COL1A2: variants seen among roughly 807,000 people sequenced by gnomAD.
COL1A2 encodes the protein collagen type I alpha 2 chain, also known as collagen alpha-2(I) chain.
In COL1A2, 49 loss-of-function variants were observed where a neutral mutation model predicts 174.3. That is an observed-to-expected ratio of 0.28 (90% CI 0.22 to 0.36). COL1A2 has a LOEUF of 0.36. Ranked by LOEUF, COL1A2 falls within the 10% of genes least tolerant of loss-of-function variation. The pLI, the probability that COL1A2 is intolerant of heterozygous loss-of-function variation, is 1.00. For missense variants in COL1A2, 1,438 were observed against 1,822.7 expected (o/e 0.79, Z 3.84); for synonymous variants, 655 against 606.6 (o/e 1.08, Z -1.17).
intron 50 of COL1A2, 53 bp downstream of exon 50, chr7:94,428,530 C>G (rs1352063388): frequency 1.5e-5 from 23 of 1,511,916 alleles, no homozygotes; most frequent in Non-Finnish European, 2.1e-5. Flanking sequence ...TTTGGTAGGA[C>G]TGTTTGTTAA....
rs969850720 is a variant in COL1A2 at position 94,426,094 on chromosome 7, A to G, written c.2997+43A>G. ...ATTTCTTTGCAACACTAACATTTAG[A>G]GAGAATCAGTCCAAAACATCTGTTA... On this transcript the variant is annotated intron_variant, in intron 45 of 51. Transcript: ENST00000297268. The G allele has an allele frequency of 2.6e-6, 4 of 1,541,666 alleles. No homozygotes were observed. The African/African-American group carries it at 5.4e-5, about 21-fold the overall frequency.
At chr7:94,397,796 T>C (rs756148866) in intron 2 of COL1A2, 38 bp downstream of exon 2, 10 of 1,209,664 alleles carry the variant, frequency 8.3e-6, no homozygotes, top group Non-Finnish European at 1.2e-5. Flanking sequence ...AAAAATACTT[T>C]GATTCCCTTG....
chr7:94,409,548 T>C lies in COL1A2; in HGVS notation c.892-16T>C. 1 of 1,614,210 alleles carries C rather than the reference T, an allele frequency of 6.2e-7. No homozygotes were observed. Among genetic ancestry groups the C allele is most frequent in the Non-Finnish European group, 8.5e-7 (1 of 1,180,016 alleles). ...TCCAATTAACTGATATCCTTCTCCT[T>C]TCCTTTTCCTCATAGGGTAATCCTG... On this transcript the variant is annotated splice_polypyrimidine_tract_variant and intron_variant, in intron 17 of 51. Transcript: ENST00000297268.
At chr7:94,421,251 T>C (rs184344185) in intron 38 of COL1A2, 189 bp downstream of exon 38, 2 of 661,998 alleles carry the variant, frequency 3.0e-6, no homozygotes, top group Non-Finnish European at 2.7e-6. Flanking sequence ...TGTATGTTGC[T>C]ATCAGCTCAC....
chr7:94,395,266 C>T, intron 1 of COL1A2, 165 bp downstream of exon 1: 1 of 761,318 alleles, frequency 1.3e-6, no homozygotes, highest in Non-Finnish European at 2.4e-6. Context: ...ATGGAAATTA[C>T]TTTAAAAAAT....
chr7:94,413,866 T>C, intron 27 of COL1A2, 28 bp from the exon 28 acceptor site: 2 of 1,613,844 alleles, frequency 1.2e-6, no homozygotes, highest in East Asian at 2.2e-5. Flanking sequence ...TACGTTGCTA[T>C]TTATGCTCTC....
At chr7:94,430,216 T>C in intron 51 of COL1A2, 31 bp from the exon 52 acceptor site, 1 of 1,602,746 alleles carries the variant, frequency 6.2e-7, no homozygotes, top group Non-Finnish European at 8.5e-7. Flanking sequence ...ATAGTGATGC[T>C]TTGTGTATCT....
Position 94,404,440 on chromosome 7 carries a change from A to G in COL1A2, c.280-116A>G, listed in dbSNP as rs1791751920. The G allele has an allele frequency of 1.4e-5, 16 of 1,106,588 alleles. No homozygotes were observed. In the South Asian group the frequency reaches 2.0e-4, roughly 14 times the overall value. 68.5% of individuals were successfully genotyped at this position (1,106,588 alleles called of 1,614,324 possible). ...CCTTAAATTCTTCCTTGGGAGGAAT[A>G]AAAACTATGGAATCAAACCACAACA... is the stretch of plus-strand genomic sequence containing the variant. On this transcript the variant is annotated intron_variant, in intron 6 of 51. Coordinates refer to ENST00000297268, the MANE Select transcript of COL1A2 (RefSeq NM_000089.4).
intron 25 of COL1A2, 97 bp from the exon 26 acceptor site, chr7:94,412,985 CA>C: frequency 8.2e-7 from 1 of 1,226,526 alleles, no homozygotes; most frequent in Non-Finnish European, 1.2e-6. Context: ...CAAAAGAACA[CA>C]AAAACAAGCA....
In COL1A2 at chr7:94,417,973, G is replaced by C. The variant is rs531158171; in HGVS notation, c.1971+142G>C. 14 of 721,900 alleles carry C rather than the reference G, an allele frequency of 1.9e-5. No homozygotes were observed. In the East Asian group the frequency reaches 3.3e-4, roughly 17 times the overall value. 44.7% of individuals were successfully genotyped at this position (721,900 alleles called of 1,614,324 possible). On this transcript the variant is annotated intron_variant, in intron 32 of 51. Transcript: ENST00000297268. ...TATATACATTTCCCTCTGCCACCTA[G>C]CACCTACACATTTCTAAACTCACTA...
intron 49 of COL1A2, 102 bp downstream of exon 49, chr7:94,427,987 T>C (rs1036404922): frequency 2.0e-5 from 26 of 1,276,102 alleles, no homozygotes; most frequent in Non-Finnish European, 2.8e-5. Flanking sequence ...TGGGTAAAGA[T>C]TACATTATGT....
chr7:94,418,429 A>T, intron 32 of COL1A2, 70 bp from the exon 33 acceptor site: 1 of 1,366,436 alleles, frequency 7.3e-7, no homozygotes. Context: ...AAAAGAAAAA[A>T]ACTTCATATT....
intron 19 of COL1A2, 23 bp from the exon 20 acceptor site, chr7:94,410,219 C>A: frequency 6.2e-7 from 1 of 1,612,452 alleles, no homozygotes; most frequent in South Asian, 1.1e-5. Context: ...GTCCTTTGAC[C>A]ACTGTTCTGT....
rs149858889 is a variant in COL1A2, at chr7:94,421,022, C to T, written c.2309C>T (p.Pro770Leu). The T allele has an allele frequency of 9.0e-5, 145 of 1,613,740 alleles. No homozygotes were observed. The highest frequency in any genetic ancestry group is 1.2e-4 in the Non-Finnish European group (136 of 1,179,940). The change falls in exon 38 of 52, where the codon CCC becomes CTC. Residue 770 changes from proline to leucine, a missense_variant. Physicochemically the swap from Pro to Leu is moderately conservative, Grantham distance 98. This residue lies in a region of COL1A2 where 867 missense variants were observed against 1,213.7 expected (regional missense o/e 0.71). Coordinates refer to ENST00000297268, the MANE Select transcript of COL1A2 (RefSeq NM_000089.4). ...GTTTGCATTTAGGGTCCAAATGGTC[C>T]CCCCGGTCCTGCTGGAAGTCGTGGT... ...GAAGPAGPNG[P>L]PGPAGSRGDG...
intron 18 of COL1A2, 51 bp from the exon 19 acceptor site, chr7:94,409,672 C>T (rs1791877346): frequency 1.2e-6 from 2 of 1,613,174 alleles, no homozygotes; most frequent in Non-Finnish European, 8.5e-7. Context: ...TGTGTGCTGC[C>T]TCTACAGCCC....
At chr7:94,424,544 G>T in intron 41 of COL1A2, 101 bp downstream of exon 41, 1 of 1,078,622 alleles carries the variant, frequency 9.3e-7, no homozygotes, top group Non-Finnish European at 1.4e-6. Flanking sequence ...CTTCACTTAA[G>T]ATTTTTATTC....
chr7:94,418,080 C>T (rs1792078810), intron 32 of COL1A2, among the ~76,000 whole-genome samples: 1 of 152,168 alleles, frequency 6.6e-6, no homozygotes, highest in Non-Finnish European at 1.5e-5. Context: ...TTTAATGCCA[C>T]TAACAATAAT....
chr7:94,406,136 C>T, intron 11 of COL1A2, 114 bp from the exon 12 acceptor site: 1 of 1,065,894 alleles, frequency 9.4e-7, no homozygotes, highest in Non-Finnish European at 1.4e-6. Context: ...CTTCTTTCTA[C>T]TGCAGCAGAC....
rs1314036358 is a variant in COL1A2 at position 94,409,260 on chromosome 7, A to C, written c.793-62A>C. 5 of 1,430,576 alleles carry C rather than the reference A, an allele frequency of 3.5e-6. No individual in the cohort carries two copies. In the African/African-American group the frequency reaches 7.0e-5, roughly 20 times the overall value. The allele number at this position is 1,430,576 out of a possible 1,614,324, so 88.6% of individuals were successfully genotyped here. ...GACATTTCATAAAACTTGGCATCTTAAAAACAGATATGCTGTTTCATTATT... is the reference window on the plus strand; with the variant it reads ...GACATTTCATAAAACTTGGCATCTTCAAAACAGATATGCTGTTTCATTATT... On this transcript the variant is annotated intron_variant, in intron 16 of 51. Coordinates refer to ENST00000297268, the MANE Select transcript of COL1A2 (RefSeq NM_000089.4).
Sources: allele counts gnomAD v4.1 joint callset (sites outside exome capture counted in the v4.1 genomes callset), GRCh38; gene constraint gnomAD v4.1.1; regional missense constraint gnomAD v4.1.1; transcripts MANE v1.5; gene names NCBI Gene and HGNC (gene_info 2026-07-23, HGNC 2026-07-21).